ASB13: variants seen among roughly 807,000 people sequenced by gnomAD.
ASB13 encodes the protein ankyrin repeat and SOCS box containing 13, also known as ankyrin repeat and SOCS box protein 13.
In ASB13, 33 loss-of-function variants were observed where a neutral mutation model predicts 28.8. That is an observed-to-expected ratio of 1.15 (90% confidence interval 0.87 to 1.53). The LOEUF (loss-of-function observed/expected upper bound fraction) is 1.53. Among genes scored for constraint, ASB13 ranks in the 40% most tolerant of loss-of-function variants. The pLI is 0.00. For synonymous variants in ASB13, 182 were observed against 172.9 expected, an observed-to-expected ratio of 1.05 and a Z score of -0.41; for missense variants, 414 against 390.1, an observed-to-expected ratio of 1.06 and a Z score of -0.52.
intron 5 of ASB13, 78 bp from the exon 6 acceptor site, chr10:5,640,908 A>T: frequency 5.1e-6 from 8 of 1,555,638 alleles, no homozygotes; most frequent in Non-Finnish European, 7.0e-6. Context: ...ACAAACTCAG[A>T]GGGAATCGGA....
Position 5,640,744 on chromosome 10 carries a change from T to G in ASB13, c.796A>C (p.Asn266His). The G allele has an allele frequency of 6.2e-7, 1 of 1,614,148 alleles. No individual in the cohort carries two copies. Among genetic ancestry groups the G allele is most frequent in the Non-Finnish European group, 8.5e-7 (1 of 1,180,026 alleles). ...VRGLEKIAKL[N>H]IPPRLIDYLS... is the part of the protein sequence containing the mutation. ...TAATCAATGAGCCGGGGCGGGATGT[T>G]TAACTTGGCAATCTTCTCCAGCCCT... is the stretch of plus-strand genomic sequence containing the variant. Residue 266 changes from asparagine (N) to histidine (H), a missense_variant, in exon 6 of 6, where the codon AAC becomes CAC. Physicochemically the swap from Asn to His is moderately conservative, Grantham distance 68 (BLOSUM62 1). Coordinates refer to ENST00000357700, the MANE Select transcript of ASB13 (RefSeq NM_024701.4).
rs529869382 is a variant in ASB13 at position 5,661,947 on chromosome 10, T to G, written c.43+4562A>C. ...AGAAGCCCTCCCTGCAAAACCCCAG[T>G]AAGCATTCTTGAAATGGTGAGGGTG... On this transcript the variant is annotated intron_variant, in intron 1 of 5. Transcript: ENST00000357700. The surrounding 1 kb of genome is among the most constrained non-coding windows in gnomAD (Gnocchi z 4.9). 3.9e-5 allele frequency among the ~76,000 whole-genome samples: 6 copies of G among 152,192 alleles called. No homozygotes were observed. The South Asian group carries it at 1.2e-3, about 32-fold the overall frequency.
At chr10:5,666,488 C>A (rs1171570497) in intron 1 of ASB13, 21 bp downstream of exon 1, 1 of 1,296,730 alleles carries the variant, frequency 7.7e-7, no homozygotes, top group South Asian at 2.1e-5. Context: ...TCGCTCTGAC[C>A]TCCGCGGCGC....
rs1201768465 is a variant in ASB13, at chr10:5,663,505, A to C, written c.43+3004T>G. On this transcript the variant is annotated intron_variant, in intron 1 of 5. Transcript: ENST00000357700. This position sits in a 1 kb window ranked among gnomAD's most constrained non-coding sequence, Gnocchi z 4.9. ...GGTCCCCCAGTCCCACCCTCAAGGC[A>C]CTGTGGGAGCTCAGGCCCTGACTCA... is the stretch of plus-strand genomic sequence containing the variant. Among the ~76,000 whole-genome samples, 1 of 152,032 alleles carries C rather than the reference A, an allele frequency of 6.6e-6. No homozygotes were observed. Among genetic ancestry groups the C allele is most frequent in the African/African-American group, 2.4e-5 (1 of 41,394 alleles).
chr10:5,659,953 G>A lies in ASB13; in HGVS notation c.43+6556C>T, dbSNP rs1225137350. 2.6e-5 allele frequency among the ~76,000 whole-genome samples: 4 copies of A among 152,170 alleles called. No homozygotes were observed. The highest frequency in any genetic ancestry group is 2.1e-4 in the South Asian group (1 of 4,828). On this transcript the variant is annotated intron_variant, in intron 1 of 5. Transcript: ENST00000357700. The surrounding 1 kb of genome is among the most constrained non-coding windows in gnomAD (Gnocchi z 5.8). ...TGATGCTTGCACACTCTGGCCAAGC[G>A]GGGGCTCGTGCATCCATTAAATGAA...
chr10:5,639,507 T>A lies in ASB13; in HGVS notation c.*1196A>T, dbSNP rs1050257228. ...AGTCCTCCAGTTTAACTCCCTGTTG[T>A]GGGCGGGGTTCTTAAAATTTATGAA... On this transcript the variant is annotated 3_prime_UTR_variant, in exon 6 of 6. Transcript: ENST00000357700. 2 of 152,256 alleles carry A rather than the reference T, an allele frequency of 1.3e-5. No homozygotes were observed. Among genetic ancestry groups the A allele is most frequent in the Non-Finnish European group, 1.5e-5 (1 of 68,078 alleles). The allele number at this position is 152,256 out of a possible 1,614,324, so 9.4% of individuals were successfully genotyped here.
chr10:5,664,721 C>A lies in ASB13; in HGVS notation c.43+1788G>T, dbSNP rs954599876. ...TTTGAGACGGAGTCTCACTCTGTCG[C>A]CCAGGCTGGAGTGCAATGGCATGAT... On this transcript the variant is annotated intron_variant, in intron 1 of 5. Coordinates refer to ENST00000357700, the MANE Select transcript of ASB13 (RefSeq NM_024701.4). The surrounding 1 kb of genome is among the most constrained non-coding windows in gnomAD (Gnocchi z 4.2). Among the ~76,000 whole-genome samples the A allele has an allele frequency of 6.6e-6, 1 of 152,156 alleles. No homozygotes were observed. Among genetic ancestry groups the A allele is most frequent in the African/African-American group, 2.4e-5 (1 of 41,422 alleles).
Position 5,652,779 on chromosome 10 carries a change from C to T in ASB13, c.231+84G>A. Reference sequence around the variant, plus strand: ...GACACAGTGCAGCCCCCATCCTCCCCTCTTTCCCAAGTTCTCCTGAGTCAA... The same window carrying T: ...GACACAGTGCAGCCCCCATCCTCCCTTCTTTCCCAAGTTCTCCTGAGTCAA... On this transcript the variant is annotated intron_variant, in intron 2 of 5. Transcript: ENST00000357700. This position sits in a 1 kb window ranked among gnomAD's most constrained non-coding sequence, Gnocchi z 5.0. 1 of 1,397,118 alleles carries T rather than the reference C, an allele frequency of 7.2e-7. No individual in the cohort carries two copies. The highest frequency in any genetic ancestry group is 2.5e-5 in the East Asian group (1 of 39,626). 86.5% of individuals were successfully genotyped at this position (1,397,118 alleles called of 1,614,324 possible). A position where few individuals can be genotyped will look rare whatever the true frequency, so the allele number is the denominator to read the frequency against.
intron 1 of ASB13, among the ~76,000 whole-genome samples, chr10:5,654,177 G>A (rs1477792092): frequency 6.4e-5 from 9 of 140,166 alleles, no homozygotes; most frequent in African/African-American, 2.1e-4. Context: ...GTCAATCATA[G>A]GGATCCTATT....
rs1835128888 is a variant in ASB13, at chr10:5,659,671, C to T, written c.44-6621G>A. 1.3e-5 allele frequency among the ~76,000 whole-genome samples: 2 copies of T among 151,948 alleles called. No individual in the cohort carries two copies. Among genetic ancestry groups the T allele is most frequent in the African/African-American group, 4.8e-5 (2 of 41,338 alleles). On this transcript the variant is annotated intron_variant, in intron 1 of 5. Transcript: ENST00000357700. The surrounding 1 kb of genome is among the most constrained non-coding windows in gnomAD (Gnocchi z 5.8). ...GAGCATGCAGCCCACCCCCCCACGC[C>T]ATCTCCACACTATTGCCCCACCACC...
intron 4 of ASB13, among the ~76,000 whole-genome samples, chr10:5,648,357 C>T (rs1227977686): frequency 2.9e-5 from 3 of 102,724 alleles, no homozygotes; most frequent in South Asian, 3.3e-4. Context: ...GCAACACCCA[C>T]GGGGGTAAAC....
rs1834826615 is a variant in ASB13 at position 5,642,601 on chromosome 10, C to A, written c.518-640G>T. 1.0e-6 allele frequency: 1 copy of A among 961,018 alleles called. No homozygotes were observed. The highest frequency in any genetic ancestry group is 1.4e-6 in the Non-Finnish European group (1 of 722,316). 59.5% of individuals were successfully genotyped at this position (961,018 alleles called of 1,614,324 possible). On this transcript the variant is annotated intron_variant, in intron 4 of 5. Coordinates refer to ENST00000357700, the MANE Select transcript of ASB13 (RefSeq NM_024701.4). The surrounding 1 kb of genome is among the most constrained non-coding windows in gnomAD (Gnocchi z 4.1). ...AAAAATTTTTTTTTAAAAAAAAGAGCAGACATTCAGAAAGATGCAAGGAAT... is the reference window on the plus strand; with the variant it reads ...AAAAATTTTTTTTTAAAAAAAAGAGAAGACATTCAGAAAGATGCAAGGAAT...
In ASB13 at chr10:5,645,204, T is replaced by G. The variant is rs981752506; in HGVS notation, c.518-3243A>C. Among the ~76,000 whole-genome samples the G allele has an allele frequency of 5.3e-5, 8 of 150,960 alleles. No homozygotes were observed. Among genetic ancestry groups the G allele is most frequent in the Non-Finnish European group, 1.2e-4 (8 of 67,762 alleles). On this transcript the variant is annotated intron_variant, in intron 4 of 5. Transcript: ENST00000357700. This position sits in a 1 kb window ranked among gnomAD's most constrained non-coding sequence, Gnocchi z 5.4. ...CACAATCCTGGAACATAAACACAAATAGCTCAATAGGTGCTTGTTACCACA... is the reference window on the plus strand; with the variant it reads ...CACAATCCTGGAACATAAACACAAAGAGCTCAATAGGTGCTTGTTACCACA...
In ASB13 at chr10:5,658,257, C is replaced by T. The variant is rs369103878; in HGVS notation, c.44-5207G>A. ...GCCGAGGCAGGCAATATGGTGAAAC[C>T]CCATCTCTACTAAAATTACAAAAAT... is the stretch of plus-strand genomic sequence containing the variant. On this transcript the variant is annotated intron_variant, in intron 1 of 5. Coordinates refer to ENST00000357700, the MANE Select transcript of ASB13 (RefSeq NM_024701.4). This position sits in a 1 kb window ranked among gnomAD's most constrained non-coding sequence, Gnocchi z 4.2. Among the ~76,000 whole-genome samples the T allele has an allele frequency of 1.3e-5, 2 of 152,060 alleles. No individual in the cohort carries two copies. The highest frequency in any genetic ancestry group is 2.4e-5 in the African/African-American group (1 of 41,386).
intron 4 of ASB13, among the ~76,000 whole-genome samples, chr10:5,643,695 A>G (rs1301122328): frequency 6.6e-6 from 1 of 152,238 alleles, no homozygotes; most frequent in Admixed American, 6.5e-5. Flanking sequence ...TTTAACACTA[A>G]ACATATGCTT....
Position 5,642,648 on chromosome 10 carries a change from T to G in ASB13, c.518-687A>C. On this transcript the variant is annotated intron_variant, in intron 4 of 5. Coordinates refer to ENST00000357700, the MANE Select transcript of ASB13 (RefSeq NM_024701.4). The surrounding 1 kb of genome is among the most constrained non-coding windows in gnomAD (Gnocchi z 4.1). ...GAATTAGTAGCTAAATATGGCTGGT[T>G]TTGGGTTTTTTTTTTTGAGACAGAG... 4.5e-6 allele frequency: 2 copies of G among 448,874 alleles called. No individual in the cohort carries two copies. The highest frequency in any genetic ancestry group is 6.7e-6 in the Non-Finnish European group (2 of 296,758). The allele number at this position is 448,874 out of a possible 1,614,324, so 27.8% of individuals were successfully genotyped here. A position where few individuals can be genotyped will look rare whatever the true frequency, so the allele number is the denominator to read the frequency against.
intron 1 of ASB13, among the ~76,000 whole-genome samples, chr10:5,654,181 T>C (rs1239180646): frequency 6.8e-6 from 1 of 146,164 alleles, no homozygotes; most frequent in East Asian, 2.0e-4. Flanking sequence ...ATCATAGGGA[T>C]CCTATTTCCC....
At chr10:5,648,711 G>GGCAAACACCCCCTC (rs1219302294) in intron 4 of ASB13, among the ~76,000 whole-genome samples, 4 of 55,976 alleles carry the variant, frequency 7.1e-5, no homozygotes, top group African/African-American at 2.8e-4. Context: ...AACACCCCCG[G>GGCAAACACCCCCTC]GGGTAAACAC....
rs761334672 is a variant in ASB13, at chr10:5,652,899, C to T, written c.195G>A (p.Ala65=). Residue 65 remains alanine (A), a synonymous_variant, in exon 2 of 6, where the codon GCG becomes GCA. Coordinates refer to ENST00000357700, the MANE Select transcript of ASB13 (RefSeq NM_024701.4). This position sits in a 1 kb window ranked among gnomAD's most constrained non-coding sequence, Gnocchi z 5.0. ...CCGCCAGCAGCAGCTGCACACACCG[C>T]GCCTGGCCCTGCAGACTGGCTGCGT... The part of the protein sequence containing the change: ...PLHAASLQGQ[A]RCVQLLLAAG... 11 of 1,581,330 alleles carry T rather than the reference C, an allele frequency of 7.0e-6. 1 individual carries two copies. The highest frequency in any genetic ancestry group is 6.9e-5 in the East Asian group (3 of 43,632).
Sources: gnomAD v4.1 joint callset for allele counts (sites outside exome capture counted in the v4.1 genomes callset) on GRCh38, gnomAD v4.1.1 for gene constraint, Gnocchi (gnomAD v3.1) non-coding constraint, MANE v1.5 for transcripts, NCBI Gene and HGNC (gene_info 2026-07-23, HGNC 2026-07-21) for gene names.